Variants in ARHGAP44 observed in about 807,000 individuals in gnomAD.
ARHGAP44 encodes Rho GTPase activating protein 44.
In ARHGAP44, 43 loss-of-function variants were observed where a neutral mutation model predicts 106.8. That is an observed-to-expected ratio of 0.40 (90% CI 0.32 to 0.52). The LOEUF (loss-of-function observed/expected upper bound fraction) is 0.52, where lower values mean the gene tolerates loss of function less well. ARHGAP44 is among the 20% of genes least tolerant of loss of function. The pLI is 0.48. For missense variants in ARHGAP44, 866 were observed against 1,050.5 expected, an observed-to-expected ratio of 0.82 and a Z score of 2.43; for synonymous variants, 439 against 410.3, an observed-to-expected ratio of 1.07 and a Z score of -0.85.
chr17:12,969,456 T>C (rs1245948304), intron 16 of ARHGAP44, among the ~76,000 whole-genome samples: 1 of 152,202 alleles, frequency 6.6e-6, no homozygotes, highest in African/African-American at 2.4e-5. Flanking sequence ...AAGCATATTA[T>C]TCCATTTTAC....
chr17:12,817,685 G>A (rs1021774461), intron 1 of ARHGAP44, among the ~76,000 whole-genome samples: 2 of 151,928 alleles, frequency 1.3e-5, no homozygotes, highest in Non-Finnish European at 2.9e-5. Flanking sequence ...AATAAACAAC[G>A]GGATATCACT....
At chr17:12,859,805 G>A (rs1456921528) in intron 1 of ARHGAP44, among the ~76,000 whole-genome samples, 2 of 152,210 alleles carry the variant, frequency 1.3e-5, no homozygotes, top group Non-Finnish European at 2.9e-5. Flanking sequence ...AAGCACCAAA[G>A]CCACATGAGC....
chr17:12,908,681 T>C (rs1452502113), intron 3 of ARHGAP44, among the ~76,000 whole-genome samples: 1 of 152,228 alleles, frequency 6.6e-6, no homozygotes, highest in Non-Finnish European at 1.5e-5. Flanking sequence ...TTTCCCAAAG[T>C]GGCAAATATA....
intron 3 of ARHGAP44, among the ~76,000 whole-genome samples, chr17:12,904,147 C>T (rs1314909155): frequency 6.6e-6 from 1 of 152,100 alleles, no homozygotes; most frequent in Non-Finnish European, 1.5e-5. Flanking sequence ...CGTTCTGTCA[C>T]CCAGGCTGGA....
In ARHGAP44 at chr17:12,968,774, T is replaced by TTC. The variant is rs201387189; in HGVS notation, c.1524-4527_1524-4526insCT. 0.012 allele frequency among the ~76,000 whole-genome samples: 1,194 copies of TTC among 99,916 alleles called. 33 individuals are homozygous for TTC. In the South Asian group the frequency reaches 0.14, roughly 12 times the overall value. The allele number at this position is 99,916 out of a possible 152,430, so 65.5% of individuals were successfully genotyped here. On this transcript the variant is annotated intron_variant, in intron 16 of 20. Transcript: ENST00000379672. ...TTTCTTTTTCTTTTATTTCTTTTCT[T>TTC]TTTTTTTTTTTTTGATACAGAGTCT...
intron 10 of ARHGAP44, among the ~76,000 whole-genome samples, chr17:12,948,695 G>A (rs987620270): frequency 3.2e-5 from 3 of 93,166 alleles, no homozygotes; most frequent in Non-Finnish European, 6.5e-5. Context: ...AAAATAAAAA[G>A]TATAGCCCTG....
chr17:12,873,633 C>T (rs918847299), intron 1 of ARHGAP44, among the ~76,000 whole-genome samples: 17 of 152,338 alleles, frequency 1.1e-4, no homozygotes, highest in African/African-American at 2.9e-4. Flanking sequence ...CTTGGTGGCT[C>T]ACGCCTATAA....
chr17:12,938,093 A>T (rs7218810), intron 7 of ARHGAP44, among the ~76,000 whole-genome samples: 109,742 of 151,716 alleles, frequency 0.72, 39,848 homozygotes, highest in Admixed American at 0.77. Context: ...AAAAAAAAAA[A>T]TTCTGCCATA....
At chr17:12,797,611 CATTCCTGGGTCTT>C (rs2033963761) in intron 1 of ARHGAP44, among the ~76,000 whole-genome samples, 2 of 152,162 alleles carry the variant, frequency 1.3e-5, no homozygotes, top group African/African-American at 4.8e-5. Flanking sequence ...CAACCCGGGC[CATTCCTGGGTCTT>C]TAGAGCACAA....
intron 12 of ARHGAP44, among the ~76,000 whole-genome samples, chr17:12,951,082 A>G (rs16946885): frequency 0.19 from 29,523 of 152,192 alleles, 2,977 homozygotes; most frequent in East Asian, 0.39. Context: ...TATGCACTTC[A>G]AAAGGCTGGC....
chr17:12,850,959 C>T (rs993599758), intron 1 of ARHGAP44, among the ~76,000 whole-genome samples: 11 of 152,196 alleles, frequency 7.2e-5, no homozygotes, highest in Non-Finnish European at 4.4e-5. Flanking sequence ...GTACTTCCCA[C>T]GTTGACTTTG....
chr17:12,910,238 G>C (rs1441312864), intron 4 of ARHGAP44, among the ~76,000 whole-genome samples: 2 of 147,908 alleles, frequency 1.4e-5, no homozygotes, highest in African/African-American at 5.0e-5. Flanking sequence ...GTAGGAAAAA[G>C]ATTGTGTTGT....
chr17:12,879,855 T>G (rs1305305304), intron 1 of ARHGAP44, among the ~76,000 whole-genome samples: 2 of 151,968 alleles, frequency 1.3e-5, no homozygotes, highest in Non-Finnish European at 2.9e-5. Context: ...ACCTGAAGTC[T>G]TACTGATAAC....
intron 19 of ARHGAP44, among the ~76,000 whole-genome samples, chr17:12,983,524 G>A (rs944382472): frequency 6.6e-6 from 1 of 152,212 alleles, no homozygotes; most frequent in African/African-American, 2.4e-5. Flanking sequence ...CGGTTGATTG[G>A]CCGGGCGTGG....
At chr17:12,856,401 C>T (rs1218533507) in intron 1 of ARHGAP44, among the ~76,000 whole-genome samples, 2 of 152,130 alleles carry the variant, frequency 1.3e-5, no homozygotes, top group Non-Finnish European at 2.9e-5. Flanking sequence ...AGATAAATAC[C>T]CTTCTTCTCT....
rs187816825 is a variant in ARHGAP44, at chr17:12,826,826, A to G, written c.53+36935A>G. Among the ~76,000 whole-genome samples the G allele has an allele frequency of 1.4e-3, 209 of 152,278 alleles. 1 individual carries two copies. The highest frequency in any genetic ancestry group is 3.4e-3 in the Middle Eastern group (1 of 294). ...CAACAAGCCTTTATGGGCTCATGCCAGATAACTGATTTCTTCTTGGTGTCT... is the reference window on the plus strand; with the variant it reads ...CAACAAGCCTTTATGGGCTCATGCCGGATAACTGATTTCTTCTTGGTGTCT... On this transcript the variant is annotated intron_variant, in intron 1 of 20. Transcript: ENST00000379672.
chr17:12,956,240 G>A (rs549563121), intron 14 of ARHGAP44, among the ~76,000 whole-genome samples: 1 of 152,236 alleles, frequency 6.6e-6, no homozygotes, highest in Admixed American at 6.5e-5. Flanking sequence ...TGGGATGAGG[G>A]GAAAGGAGGG....
chr17:12,793,442 T>C (rs2033825157), intron 1 of ARHGAP44, among the ~76,000 whole-genome samples: 1 of 152,034 alleles, frequency 6.6e-6, no homozygotes, highest in Non-Finnish European at 1.5e-5. Flanking sequence ...GCGTGGTGGC[T>C]CACGCCTGTA....
intron 6 of ARHGAP44, among the ~76,000 whole-genome samples, chr17:12,921,814 AT>A (rs2038093847): frequency 6.6e-6 from 1 of 152,136 alleles, no homozygotes; most frequent in South Asian, 2.1e-4. Flanking sequence ...GAGTACTAAT[AT>A]CACTTCCCAA....
Sources: gnomAD v4.1 joint callset for allele counts (sites outside exome capture counted in the v4.1 genomes callset) on GRCh38, gnomAD v4.1.1 for gene constraint, MANE v1.5 for transcripts, NCBI Gene and HGNC (gene_info 2026-07-23, HGNC 2026-07-21) for gene names.